The following AFG3L2 variants were observed in gnomAD, a reference collection of about 807,000 sequenced individuals.
AFG3L2 encodes the protein AFG3 like matrix AAA peptidase subunit 2.
AFG3L2 carries 54 observed loss-of-function variants against 94.5 expected under a neutral mutation model. That is an observed-to-expected ratio of 0.57 (90% CI 0.46 to 0.72). The LOEUF is 0.72. Among genes scored for constraint, AFG3L2 ranks in the 30% least tolerant of loss-of-function variants. AFG3L2 has a pLI of 0.00. For synonymous variants in AFG3L2, 377 were observed against 365.5 expected (o/e 1.03, Z -0.36); for missense variants, 754 against 994.9 (o/e 0.76, Z 3.26).
intron 3 of AFG3L2, 139 bp downstream of exon 3, chr18:12,370,710 A>G (rs1908957543): frequency 1.6e-6 from 1 of 628,608 alleles, no homozygotes; most frequent in African/African-American, 1.8e-5. Flanking sequence ...CCACCCGCCT[A>G]GGCCTCCCAA....
Position 12,366,984 on chromosome 18 carries a change from T to C in AFG3L2, c.533A>G (p.Asn178Ser). 6.2e-7 allele frequency: 1 copy of C among 1,614,216 alleles called. No individual in the cohort carries two copies. Among genetic ancestry groups the C allele is most frequent in the Non-Finnish European group, 8.5e-7 (1 of 1,180,042 alleles). ...ACTTACTACTCCTTTTGAAAGATAG[T>C]TATTGACAAAGTCCTTCCAAGTGAT... ...REITWKDFVNNYLSKGVVDRL... is the reference protein window; with the variant it reads ...REITWKDFVNSYLSKGVVDRL... The change falls in exon 5 of 17, where the codon AAC becomes AGC. Residue 178 changes from asparagine to serine, a missense_variant. Around this residue, in one of 4 missense-constraint regions of AFG3L2, gnomAD observed 130 missense variants for 175.1 expected, o/e 0.74. Coordinates refer to ENST00000269143, the MANE Select transcript of AFG3L2 (RefSeq NM_006796.3).
Position 12,377,050 on chromosome 18 carries a change from C to T in AFG3L2, c.33G>A (p.Arg11=), listed in dbSNP as rs1450403226. MAHRCLRLWG[R]GGCWPRGLQQ... ...GTAGGCCGCGGGGCCAGCAGCCGCC[C>T]CGGCCCCACAGCCGCAAACAGCGGT... The change falls in exon 1 of 17, where the codon CGG becomes CGA. Residue 11 remains arginine (R), a synonymous_variant. Transcript: ENST00000269143. The T allele has an allele frequency of 2.8e-6, 4 of 1,436,690 alleles. No individual in the cohort carries two copies. The highest frequency in any genetic ancestry group is 3.6e-6 in the Non-Finnish European group (4 of 1,096,548). The allele number at this position is 1,436,690 out of a possible 1,614,324, so 89.0% of individuals were successfully genotyped here.
At chr18:12,348,145 A>G (rs369358347) in intron 13 of AFG3L2, 128 bp downstream of exon 13, 20 of 778,550 alleles carry the variant, frequency 2.6e-5, no homozygotes, top group South Asian at 2.5e-4. Flanking sequence ...AGAGAGCACA[A>G]ATGTGGTGGG....
rs902417641 is a variant in AFG3L2, at chr18:12,377,005, G to T, written c.78C>A (p.Gly26=). 4.1e-6 allele frequency: 6 copies of T among 1,460,886 alleles called. No individual in the cohort carries two copies. The highest frequency in any genetic ancestry group is 1.5e-5 in the African/African-American group (1 of 67,902). 90.5% of individuals were successfully genotyped at this position (1,460,886 alleles called of 1,614,324 possible). A position where few individuals can be genotyped will look rare whatever the true frequency, so the allele number is the denominator to read the frequency against. ...AGGGCTGCTCGCCCGGGCCCACGCCGCCAGGCACGAGGAGCTGCTGTAGGC... is the reference window on the plus strand; with the variant it reads ...AGGGCTGCTCGCCCGGGCCCACGCCTCCAGGCACGAGGAGCTGCTGTAGGC... ...PRGLQQLLVP[G]GVGPGEQPCL... Residue 26 remains glycine (G), a synonymous_variant, in exon 1 of 17, where the codon GGC becomes GGA. Transcript: ENST00000269143.
At chr18:12,344,557 C>T (rs1341925195) in intron 13 of AFG3L2, among the ~76,000 whole-genome samples, 1 of 151,986 alleles carries the variant, frequency 6.6e-6, no homozygotes, top group Non-Finnish European at 1.5e-5. Context: ...GCCTGTACTC[C>T]CAGCTGCTAG....
chr18:12,329,698 G>C lies in AFG3L2; in HGVS notation c.2261C>G (p.Ser754Cys), dbSNP rs1466831338. 6.2e-7 allele frequency: 1 copy of C among 1,614,170 alleles called. No individual in the cohort carries two copies. The highest frequency in any genetic ancestry group is 1.7e-5 in the Admixed American group (1 of 60,016). ...GCCTTCCACAAATTCTTCATAGGTA[G>C]ATTTTTCCGCAAATGGTCTGGGGCC... The part of the protein sequence containing the change: ...LLGPRPFAEK[S>C]TYEEFVEGTG... Residue 754 changes from serine (S) to cysteine (C), a missense_variant, in exon 17 of 17, where the codon TCT becomes TGT. This residue lies in a region of AFG3L2 where 279 missense variants were observed against 378.6 expected (regional missense o/e 0.74). Coordinates refer to ENST00000269143, the MANE Select transcript of AFG3L2 (RefSeq NM_006796.3).
intron 10 of AFG3L2, 113 bp from the exon 11 acceptor site, chr18:12,351,526 C>A: frequency 1.5e-5 from 13 of 877,256 alleles, no homozygotes; most frequent in Middle Eastern, 2.8e-4. Context: ...AACACATTTT[C>A]TATTCATTAT....
chr18:12,351,035 T>C, intron 12 of AFG3L2, 50 bp downstream of exon 12: 1 of 1,609,314 alleles, frequency 6.2e-7, no homozygotes, highest in Non-Finnish European at 8.5e-7. Flanking sequence ...TGGTAACTGT[T>C]ACTGATTTTA....
At chr18:12,362,965 A>G (rs16977138) in intron 6 of AFG3L2, among the ~76,000 whole-genome samples, 4,494 of 152,296 alleles carry the variant, frequency 0.03, 214 homozygotes, top group African/African-American at 0.1. Context: ...CACGGTTATT[A>G]ATAGGCATTG....
chr18:12,337,199 C>A, intron 16 of AFG3L2, 142 bp downstream of exon 16: 1 of 771,478 alleles, frequency 1.3e-6, no homozygotes, highest in Non-Finnish European at 2.3e-6. Context: ...GAGCAGACAA[C>A]GAAACATCAG....
chr18:12,343,872 A>G lies in AFG3L2; in HGVS notation c.1779+260T>C, dbSNP rs4797677. The G allele has an allele frequency of 0.74, 396,858 of 533,412 alleles. 149,491 individuals carry two copies. Among genetic ancestry groups the G allele is most frequent in the South Asian group, 0.78 (37,718 of 48,114 alleles). The allele number at this position is 533,412 out of a possible 1,614,324, so 33.0% of individuals were successfully genotyped here. On this transcript the variant is annotated intron_variant, in intron 14 of 16. Transcript: ENST00000269143. The stretch of plus-strand genomic sequence containing the variant: ...AGGCTCCCAGTTCAAACCCACTGCA[A>G]CTGCTGCTTTATAGGAGCAAACTCT...
At chr18:12,361,210 A>C (rs747966485) in intron 6 of AFG3L2, among the ~76,000 whole-genome samples, 1 of 152,142 alleles carries the variant, frequency 6.6e-6, no homozygotes, top group African/African-American at 2.4e-5. Context: ...TCTCTACTAA[A>C]ACTACAAAAA....
In AFG3L2 at chr18:12,376,982, G is replaced by A. The variant is rs1273702289; in HGVS notation, c.101C>T (p.Pro34Leu). Residue 34 changes from proline to leucine, a missense_variant, in exon 1 of 17, where the codon CCC (proline) becomes CTC (leucine). This residue lies in a region of AFG3L2 where 236 missense variants were observed against 214.0 expected (regional missense o/e 1.10). Transcript: ENST00000269143. ...GGTAGGACTCACCGTCCGGAGGCAG[G>A]GCTGCTCGCCCGGGCCCACGCCGCC... is the stretch of plus-strand genomic sequence containing the variant. Reference protein sequence around the residue: ...VPGGVGPGEQPCLRTLYRFVT... With the variant: ...VPGGVGPGEQLCLRTLYRFVT... The A allele has an allele frequency of 6.8e-7, 1 of 1,461,132 alleles. No homozygotes were observed. Among genetic ancestry groups the A allele is most frequent in the Admixed American group, 2.4e-5 (1 of 41,668 alleles). The allele number at this position is 1,461,132 out of a possible 1,614,324, so 90.5% of individuals were successfully genotyped here. A position where few individuals can be genotyped will look rare whatever the true frequency, so the allele number is the denominator to read the frequency against.
intron 6 of AFG3L2, 169 bp from the exon 7 acceptor site, chr18:12,360,220 C>T: frequency 1.5e-6 from 1 of 667,944 alleles, no homozygotes; most frequent in East Asian, 2.8e-5. Flanking sequence ...TTAAATGTCA[C>T]TCATTGAGAA....
intron 13 of AFG3L2, among the ~76,000 whole-genome samples, chr18:12,345,955 CTA>C (rs1908121127): frequency 6.6e-6 from 1 of 152,218 alleles, no homozygotes; most frequent in Admixed American, 6.5e-5. Flanking sequence ...CTACCAGCCT[CTA>C]TGTCCTCACT....
At chr18:12,372,495 T>C (rs541619319) in intron 1 of AFG3L2, among the ~76,000 whole-genome samples, 5 of 152,220 alleles carry the variant, frequency 3.3e-5, no homozygotes, top group African/African-American at 1.2e-4. Context: ...TCCAAAATGG[T>C]ACCACATGAC....
At chr18:12,372,617 T>C (rs1909027164) in intron 1 of AFG3L2, among the ~76,000 whole-genome samples, 1 of 151,938 alleles carries the variant, frequency 6.6e-6, no homozygotes, top group African/African-American at 2.4e-5. Context: ...TTCATAACAG[T>C]CAAAAAGTAG....
Position 12,358,951 on chromosome 18 carries a change from C to T in AFG3L2, c.753-8G>A, listed in dbSNP as rs1908576559. 3 of 1,608,572 alleles carry T rather than the reference C, an allele frequency of 1.9e-6. No homozygotes were observed. The highest frequency in any genetic ancestry group is 2.5e-6 in the Non-Finnish European group (3 of 1,177,336). The stretch of plus-strand genomic sequence containing the variant: ...ATGCTCAGCAGAAAAGAGCTGGGGA[C>T]ACACAGCGCAACACGGGTTAGGACT... On this transcript the variant is annotated splice_polypyrimidine_tract_variant and splice_region_variant and intron_variant, in intron 7 of 16. Transcript: ENST00000269143.
At chr18:12,367,201 A>C (rs1390005058) in intron 4 of AFG3L2, 75 bp downstream of exon 4, 1 of 1,611,912 alleles carries the variant, frequency 6.2e-7, no homozygotes, top group East Asian at 2.2e-5. Context: ...TCCCTCCAAC[A>C]CTACACTAAT....
Sources: allele counts gnomAD v4.1 joint callset (sites outside exome capture counted in the v4.1 genomes callset), GRCh38; gene constraint gnomAD v4.1.1; regional missense constraint gnomAD v4.1.1; transcripts MANE v1.5; gene names NCBI Gene and HGNC (gene_info 2026-07-23, HGNC 2026-07-21).